Variants in LZTFL1 observed in about 807,000 individuals in gnomAD.
LZTFL1 encodes leucine zipper transcription factor-like protein 1.
A neutral mutation model predicts 45.9 loss-of-function variants in LZTFL1; 25 were observed. The ratio of observed to expected loss-of-function variants is 0.54; its 90% CI spans 0.40 to 0.76. The LOEUF (loss-of-function observed/expected upper bound fraction) is 0.76, where lower values mean the gene tolerates loss of function less well. LZTFL1 is among the 30% of genes least tolerant of loss of function. The pLI is 0.00. For synonymous variants in LZTFL1, 93 were observed against 117.4 expected, an observed-to-expected ratio of 0.79 and a Z score of 1.35; for missense variants, 277 against 331.1, an observed-to-expected ratio of 0.84 and a Z score of 1.27.
chr3:45,890,308 T>TATATATAAATATATATAAC lies in LZTFL1; in HGVS notation c.-215+22811_-215+22812insGTTATATATATTTATATAT, dbSNP rs1176858500. On this transcript the variant is annotated intron_variant, in intron 2 of 4. Coordinates refer to the LZTFL1 transcript ENST00000472635. ...TTTATATAAATATATATATAACATA[T>TATATATAAATATATATAAC]ATATATATTTATATAAATATATATA... Among the ~76,000 whole-genome samples the TATATATAAATATATATAAC allele has an allele frequency of 7.1e-4, 55 of 77,354 alleles. 16 individuals carry two copies. In the African/African-American group the frequency reaches 7.8e-3, roughly 11 times the overall value. 50.7% of individuals were successfully genotyped at this position (77,354 alleles called of 152,430 possible).
intron 2 of LZTFL1, among the ~76,000 whole-genome samples, chr3:45,887,251 C>G (rs955220123): frequency 2.1e-3 from 320 of 149,220 alleles, no homozygotes; most frequent in African/African-American, 6.9e-3. Flanking sequence ...GCGTGTGTGT[C>G]TGTGTGTGTG....
chr3:45,901,069 ACCT>A lies in LZTFL1; in HGVS notation c.-215+12048_-215+12050del, dbSNP rs1463006267. 6.2e-7 allele frequency: 1 copy of A among 1,613,752 alleles called. No individual in the cohort carries two copies. Among genetic ancestry groups the A allele is most frequent in the Admixed American group, 1.7e-5 (1 of 59,980 alleles). On this transcript the variant is annotated intron_variant, in intron 2 of 4. Coordinates refer to the LZTFL1 transcript ENST00000472635. This position sits in a 1 kb window ranked among gnomAD's most constrained non-coding sequence, Gnocchi z 4.3. ...TTCCTTTTGAATTTGGCAATTGCTG[ACCT>A]CCTCTTTCTTGTCACTCTTCCCTTC...
upstream of LZTFL1, among the ~76,000 whole-genome samples, chr3:45,843,481 G>A (rs1701166780): frequency 1.3e-5 from 2 of 152,172 alleles, no homozygotes; most frequent in Non-Finnish European, 2.9e-5. Flanking sequence ...AAACAAAGTT[G>A]GTCATCAGCT....
At chr3:45,877,890 C>T (rs956980352) in intron 2 of LZTFL1, among the ~76,000 whole-genome samples, 5 of 151,728 alleles carry the variant, frequency 3.3e-5, no homozygotes, top group South Asian at 4.2e-4. Context: ...GAATTACAGG[C>T]GCCTGCCACT....
At chr3:45,870,240 G>A (rs1178630804) in intron 2 of LZTFL1, among the ~76,000 whole-genome samples, 1 of 152,222 alleles carries the variant, frequency 6.6e-6, no homozygotes, top group Non-Finnish European at 1.5e-5. Flanking sequence ...CTGGCTGTCA[G>A]GCTACACCCA....
chr3:45,896,504 T>C (rs903518780), intron 2 of LZTFL1, among the ~76,000 whole-genome samples: 7 of 152,180 alleles, frequency 4.6e-5, no homozygotes, highest in African/African-American at 1.7e-4. Context: ...TCCCTCAGCG[T>C]CACAGTAAAG....
intron 2 of LZTFL1, among the ~76,000 whole-genome samples, chr3:45,873,012 C>T (rs571323833): frequency 2.6e-5 from 4 of 152,330 alleles, no homozygotes; most frequent in Admixed American, 2.6e-4. Flanking sequence ...TACCCAGGTA[C>T]TTATTTTTTA....
At chr3:45,875,230 C>A (rs1439542948) in intron 2 of LZTFL1, among the ~76,000 whole-genome samples, 1 of 97,940 alleles carries the variant, frequency 1.0e-5, no homozygotes, top group African/African-American at 3.9e-5. Context: ...GAGGGTATGC[C>A]CCTTGTCTGT....
chr3:45,872,811 T>TTC (rs1701690505), intron 2 of LZTFL1, among the ~76,000 whole-genome samples: 1 of 152,156 alleles, frequency 6.6e-6, no homozygotes, highest in Non-Finnish European at 1.5e-5. Flanking sequence ...TTCCAGATAA[T>TTC]CAGAGGAATT....
At position 45,834,308 on chromosome 3, in the gene LZTFL1, GAAAGC is replaced by G. The variant is rs1339342314; in HGVS notation, c.324-15_324-11del. Reference sequence around the variant, plus strand: ...TTGTTCTAATAATTCTCTTGAAGAAGAAAGCAAAGATAAAAATTATTCATTTAAAA... The same window carrying G: ...TTGTTCTAATAATTCTCTTGAAGAAGAAAGATAAAAATTATTCATTTAAAA... On this transcript the variant is annotated splice_polypyrimidine_tract_variant and intron_variant, in intron 3 of 9. Transcript: ENST00000296135. 6.5e-7 allele frequency: 1 copy of G among 1,528,030 alleles called. No individual in the cohort carries two copies. Among genetic ancestry groups the G allele is most frequent in the South Asian group, 1.1e-5 (1 of 87,936 alleles). The allele number at this position is 1,528,030 out of a possible 1,614,324, so 94.7% of individuals were successfully genotyped here.
chr3:45,890,171 T>C lies in LZTFL1; in HGVS notation c.-215+22949A>G, dbSNP rs75198980. 6.9e-5 allele frequency among the ~76,000 whole-genome samples: 10 copies of C among 145,742 alleles called. No individual in the cohort carries two copies. The East Asian group carries it at 1.6e-3, about 23-fold the overall frequency. On this transcript the variant is annotated intron_variant, in intron 2 of 4. Transcript: ENST00000472635. ...TTTCTTCTTTTTGTGGTTTCTTTCT[T>C]TGGGAATTTTTCTCAGGTATTACAT...
At chr3:45,878,287 G>T (rs1701787850) in intron 2 of LZTFL1, among the ~76,000 whole-genome samples, 1 of 152,174 alleles carries the variant, frequency 6.6e-6, no homozygotes, top group African/African-American at 2.4e-5. Flanking sequence ...GGTCTCCCTT[G>T]CAGGGGCCTG....
At chr3:45,830,694 T>C (rs956894131) in intron 7 of LZTFL1, among the ~76,000 whole-genome samples, 1 of 152,154 alleles carries the variant, frequency 6.6e-6, no homozygotes, top group East Asian at 1.9e-4. Context: ...GTGTGAGCTA[T>C]GTACTGTCCC....
upstream of LZTFL1, among the ~76,000 whole-genome samples, chr3:45,845,063 G>C (rs778577367): frequency 6.6e-5 from 10 of 152,178 alleles, no homozygotes; most frequent in Admixed American, 1.3e-4. Context: ...AATTGGTTGT[G>C]GGGAATACCT....
At chr3:45,827,998 C>T (rs1047705756) in intron 8 of LZTFL1, among the ~76,000 whole-genome samples, 3 of 152,046 alleles carry the variant, frequency 2.0e-5, no homozygotes, top group African/African-American at 4.8e-5. Context: ...CCACTGCACC[C>T]GGCCTCAACT....
intron 2 of LZTFL1, chr3:45,886,691 A>C (rs1701990413): frequency 6.6e-6 from 1 of 152,268 alleles, no homozygotes; most frequent in Non-Finnish European, 1.5e-5. Flanking sequence ...CCCCCAACCC[A>C]GTGTCATCTT....
chr3:45,848,952 A>G (rs1701265883), intron 4 of LZTFL1, among the ~76,000 whole-genome samples: 1 of 152,164 alleles, frequency 6.6e-6, no homozygotes, highest in South Asian at 2.1e-4. Context: ...ATATCCATGT[A>G]TAAGTAGACC....
chr3:45,869,733 A>G (rs190550035), intron 2 of LZTFL1, among the ~76,000 whole-genome samples: 1 of 152,274 alleles, frequency 6.6e-6, no homozygotes, highest in Admixed American at 6.5e-5. Flanking sequence ...GAGCCATAAA[A>G]TCCCCATCTT....
intron 2 of LZTFL1, chr3:45,902,213 T>C (rs201599717): frequency 3.9e-6 from 1 of 253,914 alleles, no homozygotes; most frequent in Non-Finnish European, 8.0e-6. Context: ...GGAGGAGCCC[T>C]TGGATTTTCT....
Sources: allele counts gnomAD v4.1 joint callset (sites outside exome capture counted in the v4.1 genomes callset), GRCh38; gene constraint gnomAD v4.1.1; non-coding constraint Gnocchi (gnomAD v3.1); transcripts MANE v1.5; gene names NCBI Gene and HGNC (gene_info 2026-07-23, HGNC 2026-07-21).